PLBD1: variants seen among roughly 807,000 people sequenced by gnomAD.
PLBD1 encodes the protein phospholipase B domain containing 1, also known as lysosomal leucine aminopeptidase.
In PLBD1, 60 loss-of-function variants were observed where a neutral mutation model predicts 63.0. That is an observed-to-expected ratio of 0.95 (90% CI 0.77 to 1.18). The LOEUF is 1.18. Among genes scored for constraint, PLBD1 ranks in the 50% most tolerant of loss-of-function variants. PLBD1 has a pLI of 0.00. For missense variants in PLBD1, 598 were observed against 677.9 expected (o/e 0.88, Z 1.31); for synonymous variants, 262 against 248.0 (o/e 1.06, Z -0.53).
In PLBD1 at chr12:14,506,965, G is replaced by A. The variant is rs143522122; in HGVS notation, c.1340C>T (p.Thr447Met). The A allele has an allele frequency of 1.4e-4, 228 of 1,613,902 alleles. No individual in the cohort carries two copies. Among genetic ancestry groups the A allele is most frequent in the Non-Finnish European group, 1.5e-4 (176 of 1,179,964 alleles). Residue 447 changes from threonine (T) to methionine (M), a missense_variant, in exon 9 of 11, where the codon ACG (threonine) becomes ATG (methionine). Transcript: ENST00000240617. ...FRRDQGKVTD[T>M]ASMKYIMRYN... is the part of the protein sequence containing the mutation. ...TCGCATGATATATTTCATGGATGCC[G>A]TATCAGTCACTTTCCCTTGGTCACG...
At position 14,553,285 on chromosome 12, in the gene PLBD1, G is replaced by A; in HGVS notation, c.243C>T (p.Ile81=). 1.2e-6 allele frequency: 2 copies of A among 1,614,178 alleles called. No homozygotes were observed. The highest frequency in any genetic ancestry group is 1.7e-6 in the Non-Finnish European group (2 of 1,180,028). The part of the protein sequence containing the change: ...NNSVKTTGWG[I]LEIRAGYGSQ... ...AGCCATAGCCAGCTCTGATCTCCAG[G>A]ATGCCCCAGCCTGTGGTTTTCACAG... Residue 81 remains isoleucine, a synonymous_variant, in exon 2 of 11, where the codon ATC becomes ATT. Transcript: ENST00000240617.
intron 6 of PLBD1, among the ~76,000 whole-genome samples, chr12:14,532,185 C>T (rs986035249): frequency 6.6e-6 from 1 of 152,100 alleles, no homozygotes; most frequent in South Asian, 2.1e-4. Context: ...CAGAAAAATC[C>T]ATCTGGCTTA....
intron 6 of PLBD1, among the ~76,000 whole-genome samples, chr12:14,527,420 A>T (rs992553231): frequency 6.6e-6 from 1 of 152,144 alleles, no homozygotes; most frequent in Non-Finnish European, 1.5e-5. Flanking sequence ...TGCTCCCAAA[A>T]CGTTTGTTAC....
chr12:14,558,032 A>G (rs7961544), intron 1 of PLBD1, among the ~76,000 whole-genome samples: 4,189 of 140,934 alleles, frequency 0.03, 211 homozygotes, highest in African/African-American at 0.1. Flanking sequence ...CATATACACA[A>G]TGAAATACTA....
chr12:14,529,587 A>ATG (rs1945443466), intron 6 of PLBD1, among the ~76,000 whole-genome samples: 2 of 152,234 alleles, frequency 1.3e-5, no homozygotes, highest in African/African-American at 4.8e-5. Flanking sequence ...TTTATTGATA[A>ATG]AAATATTAAA....
intron 10 of PLBD1, among the ~76,000 whole-genome samples, chr12:14,504,811 C>A (rs10744065): frequency 1 from 152,127 of 152,336 alleles, 75,960 homozygotes; most frequent in Non-Finnish European, 1. Context: ...ATCTCTTCTT[C>A]TTTTCCCCAT....
In PLBD1 at chr12:14,515,988, G is replaced by A. The variant is rs574859357; in HGVS notation, c.845-4277C>T. ...TGCCTGAACCCAGGAGGCAGAGGTT[G>A]AATTGGCCACTGCACTCCAGCCTGG... On this transcript the variant is annotated intron_variant, in intron 6 of 10. Coordinates refer to ENST00000240617, the MANE Select transcript of PLBD1 (RefSeq NM_024829.6). Among the ~76,000 whole-genome samples the A allele has an allele frequency of 8.3e-4, 126 of 151,636 alleles. 1 individual carries two copies. The highest frequency in any genetic ancestry group is 2.8e-3 in the African/African-American group (117 of 41,302).
chr12:14,519,474 C>A (rs1271336554), intron 6 of PLBD1, among the ~76,000 whole-genome samples: 1 of 151,960 alleles, frequency 6.6e-6, no homozygotes, highest in African/African-American at 2.4e-5. Context: ...AAAAAATTAG[C>A]CGGGTGTGGT....
chr12:14,560,151 C>T (rs763618899), intron 1 of PLBD1, among the ~76,000 whole-genome samples: 14 of 152,156 alleles, frequency 9.2e-5, no homozygotes, highest in Non-Finnish European at 1.6e-4. Context: ...TGAGCCACTG[C>T]GCCCAGCCCA....
chr12:14,517,216 G>A (rs1945343504), intron 6 of PLBD1, among the ~76,000 whole-genome samples: 1 of 152,096 alleles, frequency 6.6e-6, no homozygotes, highest in African/African-American at 2.4e-5. Flanking sequence ...GCGTGATCAA[G>A]GCTCAAGGCA....
At chr12:14,564,307 C>A (rs981022194) in intron 1 of PLBD1, among the ~76,000 whole-genome samples, 1 of 151,950 alleles carries the variant, frequency 6.6e-6, no homozygotes, top group Non-Finnish European at 1.5e-5. Flanking sequence ...CTGAATGTTC[C>A]AGGATATTAA....
intron 8 of PLBD1, among the ~76,000 whole-genome samples, chr12:14,509,028 A>G (rs1386648033): frequency 7.0e-6 from 1 of 143,094 alleles, no homozygotes; most frequent in East Asian, 2.4e-4. Context: ...TAATGGCTAT[A>G]TGATATCATG....
chr12:14,558,645 T>G (rs1178030367), intron 1 of PLBD1, among the ~76,000 whole-genome samples: 1 of 152,208 alleles, frequency 6.6e-6, no homozygotes, highest in East Asian at 1.9e-4. Context: ...AGCTTTTTCT[T>G]CTTCTCCAAA....
chr12:14,530,473 A>G (rs181852126), intron 6 of PLBD1, among the ~76,000 whole-genome samples: 1 of 152,362 alleles, frequency 6.6e-6, no homozygotes, highest in African/African-American at 2.4e-5. Context: ...ACCAATAAAT[A>G]CATATGAGCA....
At chr12:14,536,997 G>A (rs886157960) in intron 4 of PLBD1, among the ~76,000 whole-genome samples, 34 of 150,892 alleles carry the variant, frequency 2.3e-4, no homozygotes, top group South Asian at 1.0e-3. Flanking sequence ...GCTGAGGCAG[G>A]AGAATCGCTT....
chr12:14,553,499 T>C (rs1384097634), intron 1 of PLBD1, 87 bp from the exon 2 acceptor site: 3 of 1,061,394 alleles, frequency 2.8e-6, no homozygotes, highest in African/African-American at 1.6e-5. Flanking sequence ...TTTCAAGACG[T>C]TTGCTTTTAA....
At chr12:14,552,157 G>T (rs1945664576) in intron 2 of PLBD1, among the ~76,000 whole-genome samples, 1 of 152,112 alleles carries the variant, frequency 6.6e-6, no homozygotes, top group African/African-American at 2.4e-5. Flanking sequence ...AGTAAAGTTT[G>T]GTTAAACTGC....
chr12:14,554,442 C>A (rs1051094597), intron 1 of PLBD1, among the ~76,000 whole-genome samples: 16 of 152,196 alleles, frequency 1.1e-4, no homozygotes, highest in African/African-American at 3.9e-4. Context: ...TGTGACCCAA[C>A]AGAGCTATTG....
chr12:14,556,825 A>G (rs935446273), intron 1 of PLBD1, among the ~76,000 whole-genome samples: 2 of 151,744 alleles, frequency 1.3e-5, no homozygotes, highest in Non-Finnish European at 2.9e-5. Flanking sequence ...TCTCTACTAA[A>G]AATACAAAAT....
Sources: gnomAD v4.1 joint callset for allele counts (sites outside exome capture counted in the v4.1 genomes callset) on GRCh38, gnomAD v4.1.1 for gene constraint, MANE v1.5 for transcripts, NCBI Gene and HGNC (gene_info 2026-07-23, HGNC 2026-07-21) for gene names.